The following PRKAR1B variants were observed in gnomAD, a reference collection of about 807,000 sequenced individuals.
PRKAR1B encodes cAMP-dependent protein kinase type I-beta regulatory subunit.
Under a neutral mutation model 46.5 loss-of-function variants are expected in PRKAR1B, and 22 were observed. The observed-to-expected ratio is 0.47, with a 90% CI of 0.34 to 0.68. PRKAR1B has a LOEUF of 0.68. Ranked by LOEUF, PRKAR1B falls within the 30% of genes least tolerant of loss-of-function variation. The pLI is 0.01. For missense variants in PRKAR1B, 445 were observed against 535.6 expected, an observed-to-expected ratio of 0.83 and a Z score of 1.67; for synonymous variants, 259 against 217.7, an observed-to-expected ratio of 1.19 and a Z score of -1.67.
intron 9 of PRKAR1B, among the ~76,000 whole-genome samples, chr7:564,654 C>T (rs1332770479): frequency 6.6e-6 from 1 of 152,210 alleles, no homozygotes; most frequent in African/African-American, 2.4e-5. Flanking sequence ...GCAGCATCCC[C>T]AGAAACTGCC....
Position 584,582 on chromosome 7 carries a change from A to C in PRKAR1B, c.709-14T>G, listed in dbSNP as rs944123963. ...CAGCGTGCTGCCCTGTTCGGGAGAA[A>C]GTAAAAAACAGACAAGAAGGTGAAT... On this transcript the variant is annotated splice_polypyrimidine_tract_variant and intron_variant, in intron 7 of 10. Coordinates refer to ENST00000537384, the MANE Select transcript of PRKAR1B (RefSeq NM_001164760.2). 4.4e-5 allele frequency: 71 copies of C among 1,609,680 alleles called. No individual in the cohort carries two copies. Among genetic ancestry groups the C allele is most frequent in the Non-Finnish European group, 5.7e-5 (67 of 1,176,958 alleles).
intron 2 of PRKAR1B, among the ~76,000 whole-genome samples, chr7:705,345 T>C (rs1780271339): frequency 6.6e-6 from 1 of 150,904 alleles, no homozygotes; most frequent in Non-Finnish European, 1.5e-5. Context: ...AAAAACATTT[T>C]AGGTGCCACC....
Position 680,547 on chromosome 7 carries a change from G to A in PRKAR1B, c.348+9C>T, listed in dbSNP as rs772959286. On this transcript the variant is annotated intron_variant, in intron 3 of 10. Coordinates refer to ENST00000537384, the MANE Select transcript of PRKAR1B (RefSeq NM_001164760.2). The stretch of plus-strand genomic sequence containing the variant: ...TGGGGACAGGAACCCCGTGACCCGT[G>A]AGCCTCACCTTCCTGACGTAGGACA... The A allele has an allele frequency of 2.5e-6, 4 of 1,605,442 alleles. No homozygotes were observed. The highest frequency in any genetic ancestry group is 1.3e-5 in the African/African-American group (1 of 74,816).
chr7:715,470 G>C (rs1004942657), intron 1 of PRKAR1B, among the ~76,000 whole-genome samples: 34 of 152,230 alleles, frequency 2.2e-4, no homozygotes, highest in African/African-American at 8.2e-4. Flanking sequence ...TGCCCAAGCA[G>C]CTATGCCCTC....
intron 4 of PRKAR1B, among the ~76,000 whole-genome samples, chr7:624,995 G>C (rs1166550080): frequency 6.6e-6 from 1 of 152,136 alleles, no homozygotes; most frequent in Non-Finnish European, 1.5e-5. Context: ...TTTACCAAGA[G>C]AGAAAACATT....
chr7:719,252 C>G (rs1780991263), intron 1 of PRKAR1B, among the ~76,000 whole-genome samples: 1 of 152,108 alleles, frequency 6.6e-6, no homozygotes, highest in African/African-American at 2.4e-5. Flanking sequence ...CTTGGCCAGG[C>G]TGGTCTCAAA....
chr7:597,581 C>T (rs2128457451), intron 6 of PRKAR1B, among the ~76,000 whole-genome samples: 1 of 152,344 alleles, frequency 6.6e-6, no homozygotes, highest in Non-Finnish European at 1.5e-5. Context: ...AGAGAGTACC[C>T]ACCCGCGCGT....
At chr7:582,725 G>A (rs1780261883) in intron 8 of PRKAR1B, among the ~76,000 whole-genome samples, 1 of 152,220 alleles carries the variant, frequency 6.6e-6, no homozygotes. Context: ...CAGCGCTGGT[G>A]AATGAAGGAG....
At chr7:596,008 C>G (rs1781249008) in intron 7 of PRKAR1B, 138 bp downstream of exon 7, 3 of 1,158,510 alleles carry the variant, frequency 2.6e-6, no homozygotes, top group African/African-American at 3.1e-5. Flanking sequence ...TTCCACTCCT[C>G]TCACAGGCCA....
At chr7:663,997 C>T (rs1048000200) in intron 4 of PRKAR1B, among the ~76,000 whole-genome samples, 2 of 152,182 alleles carry the variant, frequency 1.3e-5, no homozygotes, top group African/African-American at 4.8e-5. Context: ...GGGTCCCCCC[C>T]GACAAGTGGG....
intron 4 of PRKAR1B, among the ~76,000 whole-genome samples, chr7:660,971 A>G (rs1785510733): frequency 1.2e-5 from 1 of 80,404 alleles, no homozygotes; most frequent in African/African-American, 5.3e-5. Context: ...CCTCCATGGC[A>G]CAGGTCCCCA....
intron 9 of PRKAR1B, among the ~76,000 whole-genome samples, chr7:577,700 G>A (rs564005578): frequency 1.5e-4 from 23 of 152,324 alleles, no homozygotes; most frequent in East Asian, 1.2e-3. Context: ...TCAGATCGCC[G>A]GGCAGGCCAC....
In PRKAR1B at chr7:714,561, C is replaced by T. The variant is rs181927007; in HGVS notation, c.-22-3034G>A. Among the ~76,000 whole-genome samples the T allele has an allele frequency of 6.5e-4, 99 of 152,328 alleles. No homozygotes were observed. Among genetic ancestry groups the T allele is most frequent in the Non-Finnish European group, 1.0e-3 (71 of 68,036 alleles). On this transcript the variant is annotated intron_variant, in intron 1 of 10. Coordinates refer to ENST00000537384, the MANE Select transcript of PRKAR1B (RefSeq NM_001164760.2). This position sits in a 1 kb window ranked among gnomAD's most constrained non-coding sequence, Gnocchi z 4.3. ...TGCCTCTCTCTTTCACACTTTTCCC[C>T]GCCACTCAGATCCCTGTTCCAGTGG...
intron 4 of PRKAR1B, among the ~76,000 whole-genome samples, chr7:649,757 T>C (rs1304917638): frequency 6.6e-6 from 1 of 151,040 alleles, no homozygotes; most frequent in Non-Finnish European, 1.5e-5. Flanking sequence ...CAGAGATTAG[T>C]GTCTTGCTAT....
intron 1 of PRKAR1B, among the ~76,000 whole-genome samples, chr7:715,905 T>C (rs192431741): frequency 0.078 from 11,884 of 151,966 alleles, 602 homozygotes; most frequent in Middle Eastern, 0.12. Context: ...TTAGTAGAGA[T>C]GGGGTTTCAC....
intron 2 of PRKAR1B, among the ~76,000 whole-genome samples, chr7:696,283 TA>T (rs59484388): frequency 0.034 from 4,977 of 145,118 alleles, 314 homozygotes; most frequent in African/African-American, 0.12. Context: ...TTTTTTTTTT[TA>T]AAGAAAGATG....
At chr7:689,459 A>G (rs915670031) in intron 2 of PRKAR1B, among the ~76,000 whole-genome samples, 2 of 152,164 alleles carry the variant, frequency 1.3e-5, no homozygotes, top group Non-Finnish European at 2.9e-5. Context: ...GAATCCAAAA[A>G]CATAATAATA....
At chr7:642,078 T>C (rs1409458202) in intron 4 of PRKAR1B, among the ~76,000 whole-genome samples, 10 of 152,180 alleles carry the variant, frequency 6.6e-5, no homozygotes, top group Middle Eastern at 3.4e-3. Context: ...CTATTTTTTG[T>C]AGAGATCGGG....
chr7:672,106 A>C (rs1230004003), intron 4 of PRKAR1B, among the ~76,000 whole-genome samples: 1 of 152,070 alleles, frequency 6.6e-6, no homozygotes, highest in Non-Finnish European at 1.5e-5. Flanking sequence ...CCTGGCACAC[A>C]ATGAATCCTC....
Sources: allele counts gnomAD v4.1 joint callset (sites outside exome capture counted in the v4.1 genomes callset), GRCh38; gene constraint gnomAD v4.1.1; non-coding constraint Gnocchi (gnomAD v3.1); transcripts MANE v1.5; gene names NCBI Gene and HGNC (gene_info 2026-07-23, HGNC 2026-07-21).